The following TESK2 variants were observed in gnomAD, a reference collection of about 807,000 sequenced individuals.
TESK2 encodes the protein testis associated actin remodelling kinase 2, also known as dual specificity testis-specific protein kinase 2.
A neutral mutation model predicts 57.1 loss-of-function variants in TESK2; 39 were observed. That is an observed-to-expected ratio of 0.68 (90% CI 0.53 to 0.89). TESK2 has a LOEUF of 0.89. TESK2 is among the 40% of genes least tolerant of loss of function. TESK2 has a pLI of 0.00. For missense variants in TESK2, 646 were observed against 732.1 expected (o/e 0.88, Z 1.36); for synonymous variants, 249 against 267.9 (o/e 0.93, Z 0.69).
chr1:45,402,080 T>TA (rs1557559028), intron 3 of TESK2, among the ~76,000 whole-genome samples: 114 of 132,254 alleles, frequency 8.6e-4, no homozygotes, highest in East Asian at 2.0e-3. Context: ...CTAATAACCA[T>TA]TAAAAAAAAA....
chr1:45,482,756 G>T lies in TESK2; in HGVS notation c.-87+8096C>A, dbSNP rs571494284. 2.9e-3 allele frequency among the ~76,000 whole-genome samples: 440 copies of T among 152,010 alleles called. 1 individual carries two copies. The highest frequency in any genetic ancestry group is 2.8e-3 in the Non-Finnish European group (192 of 67,990). ...GCACCCTGGGAGGCCAAGGGGGGTG[G>T]ATCACCTGAGGTCAGGAATTTGAAA... On this transcript the variant is annotated intron_variant, in intron 1 of 10. Transcript: ENST00000372086.
At chr1:45,358,596 T>C (rs1427327009) in intron 4 of TESK2, among the ~76,000 whole-genome samples, 2 of 152,172 alleles carry the variant, frequency 1.3e-5, no homozygotes, top group Non-Finnish European at 2.9e-5. Context: ...TCATTTAATC[T>C]GCACAATAAC....
intron 2 of TESK2, among the ~76,000 whole-genome samples, chr1:45,429,494 C>G (rs1650861197): frequency 6.6e-6 from 1 of 152,096 alleles, no homozygotes; most frequent in African/African-American, 2.4e-5. Flanking sequence ...AAAGTGGCAT[C>G]TTTGATCTAA....
chr1:45,410,677 C>G (rs939006833), intron 3 of TESK2, among the ~76,000 whole-genome samples: 1 of 151,996 alleles, frequency 6.6e-6, no homozygotes, highest in Non-Finnish European at 1.5e-5. Context: ...CATTCACTCA[C>G]CCTTAAGATA....
intron 3 of TESK2, among the ~76,000 whole-genome samples, chr1:45,405,798 C>G (rs2149281813): frequency 6.6e-6 from 1 of 151,690 alleles, no homozygotes; most frequent in African/African-American, 2.4e-5. Context: ...TTTAGCCCAG[C>G]AGGAGGCCAA....
chr1:45,345,759 C>T, intron 10 of TESK2, 118 bp downstream of exon 10: 2 of 940,290 alleles, frequency 2.1e-6, no homozygotes. Context: ...TCATCTCCTT[C>T]CCCTCCCATT....
chr1:45,454,073 T>C (rs1048832879), intron 2 of TESK2, among the ~76,000 whole-genome samples: 1 of 152,090 alleles, frequency 6.6e-6, no homozygotes, highest in African/African-American at 2.4e-5. Flanking sequence ...GATAGAACTG[T>C]AAAATGGCAC....
rs1429686767 is a variant in TESK2, at chr1:45,443,294, G to C, written c.222+14270C>G. On this transcript the variant is annotated intron_variant, in intron 2 of 10. Transcript: ENST00000372086. ...AAGACAAATAAACTGGCCGGGCATGGTGGTTCATGCCTGTAATCCCAACAC... is the reference window on the plus strand; with the variant it reads ...AAGACAAATAAACTGGCCGGGCATGCTGGTTCATGCCTGTAATCCCAACAC... 2.0e-5 allele frequency among the ~76,000 whole-genome samples: 3 copies of C among 152,152 alleles called. No individual in the cohort carries two copies. The South Asian group carries it at 6.2e-4, about 32-fold the overall frequency.
chr1:45,451,870 C>A (rs574457570), intron 2 of TESK2, among the ~76,000 whole-genome samples: 6 of 151,462 alleles, frequency 4.0e-5, no homozygotes, highest in African/African-American at 1.5e-4. Flanking sequence ...CCTGTCTCTA[C>A]AAAAATATAA....
chr1:45,444,862 C>T (rs1651586573), intron 2 of TESK2, among the ~76,000 whole-genome samples: 1 of 152,142 alleles, frequency 6.6e-6, no homozygotes, highest in Non-Finnish European at 1.5e-5. Flanking sequence ...TGATAACAGT[C>T]CCTTCAGGAA....
At chr1:45,471,612 T>G (rs143573919) in intron 1 of TESK2, among the ~76,000 whole-genome samples, 1 of 151,954 alleles carries the variant, frequency 6.6e-6, no homozygotes, top group Non-Finnish European at 1.5e-5. Context: ...TTCACTATGT[T>G]GGCCAGGATG....
intron 4 of TESK2, chr1:45,385,227 A>T: frequency 2.0e-6 from 1 of 506,580 alleles, no homozygotes; most frequent in Non-Finnish European, 2.5e-6. Flanking sequence ...TATTAAACCT[A>T]GAAGATTCCA....
intron 1 of TESK2, among the ~76,000 whole-genome samples, chr1:45,471,015 G>A (rs1465524478): frequency 6.6e-6 from 1 of 152,112 alleles, no homozygotes; most frequent in Admixed American, 6.6e-5. Context: ...GGTGGATCAC[G>A]AGGTCAGGAG....
chr1:45,445,063 A>G (rs1651594315), intron 2 of TESK2, among the ~76,000 whole-genome samples: 1 of 152,152 alleles, frequency 6.6e-6, no homozygotes, highest in Non-Finnish European at 1.5e-5. Context: ...CGGACCTTGC[A>G]TTCTGATGCA....
intron 2 of TESK2, among the ~76,000 whole-genome samples, chr1:45,438,759 C>G (rs1411935582): frequency 2.0e-5 from 3 of 152,060 alleles, no homozygotes; most frequent in African/African-American, 7.3e-5. Context: ...ATTTAGCCCC[C>G]ACTTATAAGT....
At chr1:45,367,807 C>G (rs1272527606) in intron 4 of TESK2, among the ~76,000 whole-genome samples, 42 of 139,170 alleles carry the variant, frequency 3.0e-4, no homozygotes, top group Middle Eastern at 4.6e-3. Context: ...ACAGGTGCCT[C>G]CCACCACGCC....
At chr1:45,459,114 G>A (rs1012451299) in intron 1 of TESK2, among the ~76,000 whole-genome samples, 14 of 152,258 alleles carry the variant, frequency 9.2e-5, no homozygotes, top group Admixed American at 7.9e-4. Flanking sequence ...AGTCAGCACC[G>A]TACCCAGTGT....
intron 3 of TESK2, among the ~76,000 whole-genome samples, chr1:45,415,847 C>T (rs988497414): frequency 6.6e-6 from 1 of 152,120 alleles, no homozygotes; most frequent in African/African-American, 2.4e-5. Flanking sequence ...GCAAGCTTGT[C>T]CAACCCACAG....
intron 5 of TESK2, among the ~76,000 whole-genome samples, chr1:45,354,261 TG>T (rs1386190719): frequency 6.6e-6 from 1 of 151,690 alleles, no homozygotes; most frequent in African/African-American, 2.4e-5. Flanking sequence ...GAGGCTGAGG[TG>T]GGTGACTGCT....
Sources: allele counts gnomAD v4.1 joint callset (sites outside exome capture counted in the v4.1 genomes callset), GRCh38; gene constraint gnomAD v4.1.1; transcripts MANE v1.5; gene names NCBI Gene and HGNC (gene_info 2026-07-23, HGNC 2026-07-21).